FBN3: variants seen among roughly 807,000 people sequenced by gnomAD.
FBN3 encodes the protein fibrillin-3.
FBN3 carries 234 observed loss-of-function variants against 330.1 expected under a neutral mutation model. That is an observed-to-expected ratio of 0.71 (90% CI 0.64 to 0.79). The LOEUF (loss-of-function observed/expected upper bound fraction) is 0.79, where lower values mean the gene tolerates loss of function less well. Ranked by LOEUF, FBN3 falls within the 30% of genes least tolerant of loss-of-function variation. FBN3 has a pLI of 0.00. For synonymous variants in FBN3, 1,458 were observed against 1,517.3 expected, an observed-to-expected ratio of 0.96 and a Z score of 0.91; for missense variants, 3,606 against 3,886.9, an observed-to-expected ratio of 0.93 and a Z score of 1.92.
chr19:8,087,828 G>A lies in FBN3; in HGVS notation c.6616C>T (p.Arg2206Ter), dbSNP rs150404330. Reference protein sequence around the residue: ...YTLREDGAMCRDVDECADGQQ... With the variant: ...YTLREDGAMC ...TTACCATATTAGTCAGGCCTACCTC[G>A]ACACATGGCCCCATCCTCCCGCAGG... Residue 2206 changes from arginine to a stop codon, truncating the protein, a stop_gained, in exon 53 of 64, where the codon CGA (arginine) becomes TGA (stop). Coordinates refer to ENST00000600128, the MANE Select transcript of FBN3 (RefSeq NM_032447.5). LOFTEE classifies it high-confidence loss of function. The A allele has an allele frequency of 3.7e-6, 6 of 1,613,644 alleles. No individual in the cohort carries two copies. The highest frequency in any genetic ancestry group is 3.3e-5 in the South Asian group (3 of 91,042).
At chr19:8,139,086 C>T (rs1486112907) in intron 8 of FBN3, among the ~76,000 whole-genome samples, 2 of 151,720 alleles carry the variant, frequency 1.3e-5, no homozygotes, top group Non-Finnish European at 2.9e-5. Context: ...CAGTGGCTCA[C>T]GCCTGTAATC....
At chr19:8,145,961 C>T (rs988688617) in intron 4 of FBN3, 23 bp from the exon 5 acceptor site, 1 of 1,545,576 alleles carries the variant, frequency 6.5e-7, no homozygotes, top group Non-Finnish European at 8.8e-7. Flanking sequence ...AGGCAGGACG[C>T]ATAGTAATGT....
chr19:8,128,074 G>T (rs1006622835), intron 18 of FBN3, among the ~76,000 whole-genome samples: 4 of 152,192 alleles, frequency 2.6e-5, no homozygotes, highest in Non-Finnish European at 5.9e-5. Flanking sequence ...CACGGTGCAG[G>T]GTATCTGGGA....
At chr19:8,081,143 G>A (rs775261916) in intron 58 of FBN3, 24 bp from the exon 59 acceptor site, 3 of 1,596,418 alleles carry the variant, frequency 1.9e-6, no homozygotes, top group Non-Finnish European at 1.7e-6. Flanking sequence ...GGTCCAGCAG[G>A]CTCAGGGCAG....
chr19:8,120,080 C>T (rs2082806740), intron 25 of FBN3, among the ~76,000 whole-genome samples: 1 of 151,752 alleles, frequency 6.6e-6, no homozygotes, highest in South Asian at 2.1e-4. Flanking sequence ...AGCCATCTCT[C>T]ATCAGATCAT....
chr19:8,126,702 G>A lies in FBN3; in HGVS notation c.2416+11C>T. On this transcript the variant is annotated intron_variant, in intron 19 of 63. Transcript: ENST00000600128. The stretch of plus-strand genomic sequence containing the variant: ...GCCTCTGGAACGCCGTCGGGCTCCG[G>A]GGCCGCTCACCTAGACAGAAGGTAC... 6.3e-7 allele frequency: 1 copy of A among 1,582,318 alleles called. No homozygotes were observed. The highest frequency in any genetic ancestry group is 8.6e-7 in the Non-Finnish European group (1 of 1,162,206).
Position 8,130,627 on chromosome 19 carries a change from A to AG in FBN3, c.2044+607dup, listed in dbSNP as rs57559039. ...AAGAAAGAAAGAAAGAAAGAAAGAA[A>AG]GAAAGAAAGAAAGAAAGGAAAGGAA... is the stretch of plus-strand genomic sequence containing the variant. On this transcript the variant is annotated intron_variant, in intron 16 of 63. Transcript: ENST00000600128. Among the ~76,000 whole-genome samples the AG allele has an allele frequency of 6.4e-3, 189 of 29,594 alleles. 32 individuals are homozygous for AG. The highest frequency in any genetic ancestry group is 0.02 in the Middle Eastern group (2 of 100). 19.4% of individuals were successfully genotyped at this position (29,594 alleles called of 152,430 possible).
At chr19:8,081,329 G>A (rs1364396735) in intron 58 of FBN3, 29 bp downstream of exon 58, 1 of 1,576,878 alleles carries the variant, frequency 6.3e-7, no homozygotes, top group East Asian at 2.2e-5. Flanking sequence ...TGCAGTGGTG[G>A]GAGTGGGGGA....
At chr19:8,110,721 C>T in intron 34 of FBN3, 124 bp downstream of exon 34, 1 of 1,302,442 alleles carries the variant, frequency 7.7e-7, no homozygotes. Flanking sequence ...CGCCCCCCAC[C>T]CCCCAGCAAG....
intron 13 of FBN3, 33 bp downstream of exon 13, chr19:8,135,928 A>T: frequency 2.5e-6 from 3 of 1,191,934 alleles, no homozygotes; most frequent in East Asian, 2.7e-5. Context: ...TGGGGCCCGG[A>T]AGCCCCTGCC....
At chr19:8,130,640 G>GAAAGA in intron 16 of FBN3, among the ~76,000 whole-genome samples, 1 of 31,504 alleles carries the variant, frequency 3.2e-5, no homozygotes, top group Admixed American at 3.1e-4. Flanking sequence ...AAGAAAGAAA[G>GAAAGA]AAAGGAAAGG....
intron 34 of FBN3, 141 bp downstream of exon 34, chr19:8,110,704 G>A (rs2082558352): frequency 8.9e-7 from 1 of 1,119,972 alleles, no homozygotes; most frequent in Admixed American, 2.1e-5. Flanking sequence ...GGGGACATCA[G>A]GCAAGGCGCC....
At chr19:8,143,491 T>C (rs970945182) in intron 6 of FBN3, among the ~76,000 whole-genome samples, 1 of 126,232 alleles carries the variant, frequency 7.9e-6, no homozygotes, top group Non-Finnish European at 1.6e-5. Context: ...TTTTTTCTTT[T>C]CTTTTCTTTT....
chr19:8,117,645 C>G (rs1482850609), intron 26 of FBN3, 56 bp from the exon 27 acceptor site: 2 of 1,486,058 alleles, frequency 1.3e-6, no homozygotes, highest in Admixed American at 4.4e-5. Flanking sequence ...GTCTGTGTGA[C>G]CATGAGACAC....
rs202226806 is a variant in FBN3 at position 8,130,508 on chromosome 19, C to CA, written c.2044+726dup. ...CCTGGGTAACAGAGCAAGACTCTGT[C>CA]AAAAAAAAAAGAAAGAAAGAAAGAA... is the stretch of plus-strand genomic sequence containing the variant. On this transcript the variant is annotated intron_variant, in intron 16 of 63. Transcript: ENST00000600128. 2.1e-3 allele frequency among the ~76,000 whole-genome samples: 173 copies of CA among 82,946 alleles called. 3 individuals carry two copies. Among genetic ancestry groups the CA allele is most frequent in the African/African-American group, 7.1e-3 (144 of 20,360 alleles). The allele number at this position is 82,946 out of a possible 152,430, so 54.4% of individuals were successfully genotyped here.
rs1199628785 is a variant in FBN3, at chr19:8,096,358, T to G, written c.5539+86A>C. Reference sequence around the variant, plus strand: ...ACTTGGATCTCTTTGTGAACTAGGATGGACAGAAACACCACTTCCATCCCA... The same window carrying G: ...ACTTGGATCTCTTTGTGAACTAGGAGGGACAGAAACACCACTTCCATCCCA... On this transcript the variant is annotated intron_variant, in intron 44 of 63. Transcript: ENST00000600128. The surrounding 1 kb of genome is among the most constrained non-coding windows in gnomAD (Gnocchi z 4.6). The G allele has an allele frequency of 8.7e-6, 13 of 1,494,484 alleles. No individual in the cohort carries two copies. The highest frequency in any genetic ancestry group is 1.4e-5 in the African/African-American group (1 of 72,100). The allele number at this position is 1,494,484 out of a possible 1,614,324, so 92.6% of individuals were successfully genotyped here.
At chr19:8,135,072 G>A (rs1407209114) in intron 13 of FBN3, among the ~76,000 whole-genome samples, 5 of 151,004 alleles carry the variant, frequency 3.3e-5, no homozygotes, top group African/African-American at 1.2e-4. Flanking sequence ...CCGAACTCCT[G>A]GGCTCAAGTG....
In FBN3 at chr19:8,129,275, C is replaced by A. The variant is rs1258060772; in HGVS notation, c.2135G>T (p.Gly712Val). Reference protein sequence around the residue: ...RGSYRCVCNLGYEAGASGKDC... With the variant: ...RGSYRCVCNLVYEAGASGKDC... ...CTTGCCTGAGGCACCTGCCTCATAA[C>A]CCAGGTTGCAGACACAGCGGTAGCT... is the stretch of plus-strand genomic sequence containing the variant. The change falls in exon 17 of 64, where the codon GGT (glycine) becomes GTT (valine). Residue 712 changes from glycine to valine, a missense_variant. Coordinates refer to ENST00000600128, the MANE Select transcript of FBN3 (RefSeq NM_032447.5). The surrounding 1 kb of genome is among the most constrained non-coding windows in gnomAD (Gnocchi z 4.5). 1.2e-6 allele frequency: 2 copies of A among 1,614,204 alleles called. No individual in the cohort carries two copies. The highest frequency in any genetic ancestry group is 1.7e-6 in the Non-Finnish European group (2 of 1,180,050).
chr19:8,119,166 T>G (rs530779351), intron 25 of FBN3, 144 bp from the exon 26 acceptor site: 158 of 958,702 alleles, frequency 1.6e-4, no homozygotes, highest in Non-Finnish European at 2.2e-4. Context: ...GGCTCCGGGT[T>G]GGGATGACCC....
Sources: allele counts gnomAD v4.1 joint callset (sites outside exome capture counted in the v4.1 genomes callset), GRCh38; gene constraint gnomAD v4.1.1; non-coding constraint Gnocchi (gnomAD v3.1); transcripts MANE v1.5; gene names NCBI Gene and HGNC (gene_info 2026-07-23, HGNC 2026-07-21).